The following FMN2 variants were observed in gnomAD, a reference collection of about 807,000 sequenced individuals.
The protein encoded by FMN2 is formin 2, also known as formin-2.
FMN2 carries 51 observed loss-of-function variants against 142.3 expected under a neutral mutation model. The observed-to-expected ratio is 0.36, with a 90% confidence interval of 0.29 to 0.45. The LOEUF is 0.45. FMN2 is among the 20% of genes least tolerant of loss of function. FMN2 has a pLI of 1.00. For missense variants in FMN2, 1,936 were observed against 2,122.8 expected, an observed-to-expected ratio of 0.91 and a Z score of 1.73; for synonymous variants, 882 against 869.8, an observed-to-expected ratio of 1.01 and a Z score of -0.25.
chr1:240,427,194 G>T (rs907905278), intron 15 of FMN2, among the ~76,000 whole-genome samples: 16 of 135,902 alleles, frequency 1.2e-4, no homozygotes, highest in East Asian at 6.5e-4. Flanking sequence ...TATATATATG[G>T]TTTTTTTTTT....
chr1:240,420,056 A>T (rs1674712296), intron 15 of FMN2, among the ~76,000 whole-genome samples: 1 of 152,014 alleles, frequency 6.6e-6, no homozygotes, highest in Non-Finnish European at 1.5e-5. Context: ...GAGCTTTACC[A>T]CTTGGACCCT....
In FMN2 at chr1:240,093,749, C is replaced by T. The variant is rs769375939; in HGVS notation, c.1615+25C>T. The stretch of plus-strand genomic sequence containing the variant: ...GGTGAGCGCGCCCTGCTGCTGGCCT[C>T]CGGGTCTCAAGTCGCCTGTCAGTCA... On this transcript the variant is annotated intron_variant, in intron 1 of 17. Coordinates refer to ENST00000319653, the MANE Select transcript of FMN2 (RefSeq NM_020066.5). 4 of 1,294,022 alleles carry T rather than the reference C, an allele frequency of 3.1e-6. No homozygotes were observed. In the African/African-American group the frequency reaches 4.6e-5, roughly 15 times the overall value. 80.2% of individuals were successfully genotyped at this position (1,294,022 alleles called of 1,614,324 possible).
At position 240,170,191 on chromosome 1, in the gene FMN2, T is replaced by C. The variant is rs557668931; in HGVS notation, c.1783-7730T>C. 24 of 1,199,130 alleles carry C rather than the reference T, an allele frequency of 2.0e-5. No homozygotes were observed. In the South Asian group the frequency reaches 3.1e-4, roughly 16 times the overall value. The allele number at this position is 1,199,130 out of a possible 1,614,324, so 74.3% of individuals were successfully genotyped here. A position where few individuals can be genotyped will look rare whatever the true frequency, so the allele number is the denominator to read the frequency against. On this transcript the variant is annotated intron_variant, in intron 2 of 17. Coordinates refer to ENST00000319653, the MANE Select transcript of FMN2 (RefSeq NM_020066.5). ...GGACATGGTGAACCAGGTTATCAAG[T>C]GCAAGGCTGCAGTTGCCTGGGAGGC...
intron 16 of FMN2, among the ~76,000 whole-genome samples, chr1:240,439,654 G>A (rs1424312112): frequency 1.3e-5 from 2 of 152,152 alleles, no homozygotes. Flanking sequence ...AAATGCATCA[G>A]TAACGTAAAA....
At chr1:240,415,530 T>TA (rs372874071) in intron 15 of FMN2, among the ~76,000 whole-genome samples, 81,238 of 140,578 alleles carry the variant, frequency 0.58, 22,921 homozygotes, top group Middle Eastern at 0.72. Context: ...TTAAGTATAA[T>TA]AAAAAAAAAA....
chr1:240,288,198 G>T lies in FMN2; in HGVS notation c.4154-6624G>T, dbSNP rs369734086. 1.3e-4 allele frequency among the ~76,000 whole-genome samples: 20 copies of T among 152,292 alleles called. 1 individual carries two copies. In the South Asian group the frequency reaches 4.1e-3, roughly 32 times the overall value. ...GAGAAAGGATACAACAGTGAATGAA[G>T]CATGACCATGTAATTATGGAGGGAA... On this transcript the variant is annotated intron_variant, in intron 7 of 17. Transcript: ENST00000319653.
chr1:240,299,853 T>C (rs1192455417), intron 8 of FMN2, among the ~76,000 whole-genome samples: 1 of 152,132 alleles, frequency 6.6e-6, no homozygotes, highest in Non-Finnish European at 1.5e-5. Flanking sequence ...TATTTTTTGG[T>C]GCACAAAGCG....
At chr1:240,216,577 G>A (rs1008957348) in intron 6 of FMN2, among the ~76,000 whole-genome samples, 1 of 152,136 alleles carries the variant, frequency 6.6e-6, no homozygotes, top group Non-Finnish European at 1.5e-5. Context: ...ATAGTTAAAT[G>A]TGCTACTTAT....
At chr1:240,191,374 C>A (rs1459990013) in intron 4 of FMN2, among the ~76,000 whole-genome samples, 2 of 152,206 alleles carry the variant, frequency 1.3e-5, no homozygotes, top group African/African-American at 2.4e-5. Context: ...AAAGCAAATA[C>A]AGCTGGCACT....
chr1:240,216,148 G>C (rs1401505215), intron 6 of FMN2, among the ~76,000 whole-genome samples: 1 of 152,208 alleles, frequency 6.6e-6, no homozygotes, highest in Non-Finnish European at 1.5e-5. Flanking sequence ...CCACTTGCTT[G>C]TGTGGCATAT....
intron 14 of FMN2, among the ~76,000 whole-genome samples, chr1:240,380,588 A>G (rs1024945400): frequency 1.3e-5 from 2 of 152,150 alleles, no homozygotes; most frequent in African/African-American, 4.8e-5. Flanking sequence ...GCAGCAAAAC[A>G]GTGCTAAGAG....
chr1:240,408,736 T>C (rs746581400), intron 15 of FMN2, among the ~76,000 whole-genome samples: 3 of 152,162 alleles, frequency 2.0e-5, no homozygotes, highest in Non-Finnish European at 4.4e-5. Flanking sequence ...GAGGTGCTGA[T>C]TGATTCATAG....
chr1:240,345,349 C>T (rs543714709), intron 13 of FMN2, among the ~76,000 whole-genome samples: 262 of 152,276 alleles, frequency 1.7e-3, no homozygotes, highest in African/African-American at 6.2e-3. Context: ...CTTTTTAAAA[C>T]TGTTAAAAGT....
At chr1:240,203,579 G>A (rs1270630760) in intron 4 of FMN2, among the ~76,000 whole-genome samples, 1 of 152,160 alleles carries the variant, frequency 6.6e-6, no homozygotes, top group Non-Finnish European at 1.5e-5. Context: ...AACACCACAT[G>A]TTCTCACTTA....
intron 8 of FMN2, among the ~76,000 whole-genome samples, chr1:240,314,567 C>A (rs1363054736): frequency 6.6e-6 from 1 of 152,070 alleles, no homozygotes; most frequent in Non-Finnish European, 1.5e-5. Context: ...ATAAAAATAG[C>A]TGGAGAATAA....
At chr1:240,134,100 T>C (rs1662844070) in intron 2 of FMN2, among the ~76,000 whole-genome samples, 1 of 152,234 alleles carries the variant, frequency 6.6e-6, no homozygotes, top group South Asian at 2.1e-4. Context: ...TAGCACAATG[T>C]CTAGCACATC....
chr1:240,174,645 CG>C (rs2103317352), intron 2 of FMN2, among the ~76,000 whole-genome samples: 1 of 152,236 alleles, frequency 6.6e-6, no homozygotes, highest in South Asian at 2.1e-4. Flanking sequence ...GGATTATAGG[CG>C]GGAGCCACAT....
chr1:240,257,951 A>C lies in FMN2; in HGVS notation c.4072A>C (p.Lys1358Gln), dbSNP rs763954483. 1.2e-6 allele frequency: 2 copies of C among 1,612,962 alleles called. No homozygotes were observed. The highest frequency in any genetic ancestry group is 1.7e-4 in the Middle Eastern group (1 of 6,056). The change falls in exon 7 of 18, where the codon AAG becomes CAG. Residue 1358 changes from lysine (K) to glutamine (Q), a missense_variant. By Grantham distance (53) the Lys-to-Gln change is moderately conservative (BLOSUM62 1). Transcript: ENST00000319653. ...ISKTKAKQVV[K>Q]LLSNKRSQAV... is the part of the protein sequence containing the mutation. ...TACTTTCTTTCTCGAGCAGGTTGTCAAGTTATTAAGCAACAAAAGATCACA... is the reference window on the plus strand; with the variant it reads ...TACTTTCTTTCTCGAGCAGGTTGTCCAGTTATTAAGCAACAAAAGATCACA...
intron 1 of FMN2, among the ~76,000 whole-genome samples, chr1:240,099,705 A>G (rs1026975015): frequency 6.6e-5 from 10 of 152,164 alleles, no homozygotes; most frequent in African/African-American, 2.4e-4. Context: ...TTAGCATTTG[A>G]AAAGTGCTGA....
Sources: gnomAD v4.1 joint callset for allele counts (sites outside exome capture counted in the v4.1 genomes callset) on GRCh38, gnomAD v4.1.1 for gene constraint, MANE v1.5 for transcripts, NCBI Gene and HGNC (gene_info 2026-07-23, HGNC 2026-07-21) for gene names.